Variants in N4BP2L2 observed in about 807,000 individuals in gnomAD.
N4BP2L2 encodes NEDD4 binding protein 2 like 2.
A neutral mutation model predicts 56.2 loss-of-function variants in N4BP2L2; 50 were observed. That is an observed-to-expected ratio of 0.89 (90% CI 0.71 to 1.13). The LOEUF is 1.13. Among genes scored for constraint, N4BP2L2 ranks in the 50% most tolerant of loss-of-function variants. The pLI, the probability that N4BP2L2 is intolerant of heterozygous loss-of-function variation, is 0.00. For synonymous variants in N4BP2L2, 203 were observed against 223.6 expected (o/e 0.91, Z 0.82); for missense variants, 689 against 693.8 (o/e 0.99, Z 0.08).
At position 32,499,276 on chromosome 13, in the gene N4BP2L2, C is replaced by T. The variant is rs185012395; in HGVS notation, c.365+18581G>A. On this transcript the variant is annotated intron_variant, in intron 6 of 9. Coordinates refer to the N4BP2L2 transcript ENST00000357505. ...CACAGCTACGCATTCATGCAGACAA[C>T]AGAATTTTACTACTTCTTCTCACTA... Among the ~76,000 whole-genome samples the T allele has an allele frequency of 4.9e-3, 752 of 152,240 alleles. 3 individuals carry two copies. Among genetic ancestry groups the T allele is most frequent in the Middle Eastern group, 6.8e-3 (2 of 294 alleles).
rs1441660121 is a variant in N4BP2L2 at position 32,465,300 on chromosome 13, G to A, written c.366-21174C>T. 2.6e-5 allele frequency among the ~76,000 whole-genome samples: 4 copies of A among 152,086 alleles called. No homozygotes were observed. In the South Asian group the frequency reaches 6.2e-4, roughly 24 times the overall value. The stretch of plus-strand genomic sequence containing the variant: ...AAAAATTCTTCTTCACAGTTGGTGG[G>A]GGTATAAAAAAGCACAATCACTGTG... On this transcript the variant is annotated intron_variant, in intron 6 of 9. Transcript: ENST00000357505.
At chr13:32,468,902 AACCTTGTAGCCCAGGGAATGCAGCT>A (rs1236912251) in intron 6 of N4BP2L2, among the ~76,000 whole-genome samples, 1 of 152,256 alleles carries the variant, frequency 6.6e-6, no homozygotes, top group African/African-American at 2.4e-5. Context: ...AGGGAGAGCC[AACCTTGTAGCCCAGGGAATGCAGCT>A]GTGTGTGGGA....
rs540952824 is a variant in N4BP2L2 at position 32,479,703 on chromosome 13, C to T, written c.366-35577G>A. ...AAAAAACCTTGTCAACAAACAAGGT[C>T]GTGAGTTAAGGACAGCTAATGGAAG... On this transcript the variant is annotated intron_variant, in intron 6 of 9. Coordinates refer to the N4BP2L2 transcript ENST00000357505. 9.3e-5 allele frequency among the ~76,000 whole-genome samples: 14 copies of T among 150,118 alleles called. No individual in the cohort carries two copies. The East Asian group carries it at 2.1e-3, about 23-fold the overall frequency.
intron 6 of N4BP2L2, among the ~76,000 whole-genome samples, chr13:32,467,392 G>T (rs1008665229): frequency 1.3e-5 from 2 of 151,814 alleles, no homozygotes; most frequent in Non-Finnish European, 2.9e-5. Context: ...TGAATAAGTG[G>T]GACTACAGGC....
chr13:32,517,501 T>TA, exon 6 of N4BP2L2: 2 of 1,095,898 alleles, frequency 1.8e-6, no homozygotes, highest in Non-Finnish European at 2.2e-6. Flanking sequence ...ATAAAATAGA[T>TA]AAATTAGTTT....
chr13:32,441,465 CCT>C lies in N4BP2L2; in HGVS notation c.2104+921_2104+922del, dbSNP rs1284419805. On this transcript the variant is annotated intron_variant, in intron 7 of 9. Transcript: ENST00000357505. Reference sequence around the variant, plus strand: ...TTGGGAGGCTGAGGCGGGTAGATCACCTGAGGTCAGGAGTTGGAGACCAACCT... The same window carrying C: ...TTGGGAGGCTGAGGCGGGTAGATCACGAGGTCAGGAGTTGGAGACCAACCT... Among the ~76,000 whole-genome samples, 4 of 150,532 alleles carry C rather than the reference CCT, an allele frequency of 2.7e-5. No homozygotes were observed. The East Asian group carries it at 6.0e-4, about 23-fold the overall frequency.
intron 1 of N4BP2L2, among the ~76,000 whole-genome samples, chr13:32,537,778 T>C (rs1379158963): frequency 6.6e-6 from 1 of 152,090 alleles, no homozygotes; most frequent in East Asian, 1.9e-4. Flanking sequence ...AAGATAAAAT[T>C]TGCTTCCCTT....
intron 6 of N4BP2L2, among the ~76,000 whole-genome samples, chr13:32,471,191 T>C (rs1351370550): frequency 1.3e-5 from 2 of 152,242 alleles, no homozygotes; most frequent in Non-Finnish European, 2.9e-5. Context: ...GCCAAACCTG[T>C]GTATCAGGCC....
At chr13:32,498,238 G>A (rs2089210269) in intron 6 of N4BP2L2, among the ~76,000 whole-genome samples, 1 of 152,186 alleles carries the variant, frequency 6.6e-6, no homozygotes, top group African/African-American at 2.4e-5. Context: ...CTCCCAAAGT[G>A]TTGGGATTAC....
intron 6 of N4BP2L2, among the ~76,000 whole-genome samples, chr13:32,487,647 G>C (rs561739214): frequency 6.6e-6 from 1 of 151,944 alleles, no homozygotes; most frequent in Non-Finnish European, 1.5e-5. Flanking sequence ...ACTCCAGCCT[G>C]GGCAACAGAA....
At chr13:32,526,275 A>G (rs1409796309) in intron 3 of N4BP2L2, among the ~76,000 whole-genome samples, 1 of 152,220 alleles carries the variant, frequency 6.6e-6, no homozygotes, top group Non-Finnish European at 1.5e-5. Context: ...ATGCATTTTG[A>G]GGACTTCGTT....
chr13:32,538,551 G>A (rs2057216849), intron 1 of N4BP2L2, 67 bp downstream of exon 1: 1 of 879,368 alleles, frequency 1.1e-6, no homozygotes, highest in Non-Finnish European at 1.4e-6. Flanking sequence ...AAACAGTCCA[G>A]TCAAGAAGTG....
exon 6 of N4BP2L2, chr13:32,517,097 A>G: frequency 1.0e-6 from 1 of 981,868 alleles, no homozygotes; most frequent in Non-Finnish European, 1.2e-6. Context: ...GAAGTAAAAC[A>G]TTATTAGAAT....
At chr13:32,474,623 G>A (rs552108222) in intron 6 of N4BP2L2, among the ~76,000 whole-genome samples, 1 of 152,124 alleles carries the variant, frequency 6.6e-6, no homozygotes, top group Admixed American at 6.5e-5. Context: ...GAGCCTGGGG[G>A]GACAGAGGTT....
Position 32,465,174 on chromosome 13 carries a change from C to T in N4BP2L2, c.366-21048G>A, listed in dbSNP as rs140101086. 2.8e-3 allele frequency among the ~76,000 whole-genome samples: 421 copies of T among 152,068 alleles called. 2 individuals carry two copies. The highest frequency in any genetic ancestry group is 9.5e-3 in the African/African-American group (395 of 41,486). On this transcript the variant is annotated intron_variant, in intron 6 of 9. Transcript: ENST00000357505. Reference sequence around the variant, plus strand: ...TAGAGACGGGGTTTCACCATGTTGGCCAAGCTGGTCTCAAACTCCTGACCT... The same window carrying T: ...TAGAGACGGGGTTTCACCATGTTGGTCAAGCTGGTCTCAAACTCCTGACCT...
Position 32,537,887 on chromosome 13 carries a change from G to A in N4BP2L2, c.-1+731C>T, listed in dbSNP as rs550696536. ...AGTTCGAGACCAGCCTGGCAACATG[G>A]CCTAACTCCGTCTCTTAACAAAAAT... On this transcript the variant is annotated intron_variant, in intron 1 of 5. Transcript: ENST00000267068. Among the ~76,000 whole-genome samples the A allele has an allele frequency of 1.4e-4, 22 of 152,108 alleles. No individual in the cohort carries two copies. In the South Asian group the frequency reaches 4.4e-3, roughly 30 times the overall value.
At position 32,445,569 on chromosome 13, in the gene N4BP2L2, T is replaced by C. The variant is rs1352893805; in HGVS notation, c.366-1443A>G. On this transcript the variant is annotated intron_variant, in intron 6 of 9. Coordinates refer to the N4BP2L2 transcript ENST00000357505. Reference sequence around the variant, plus strand: ...TGAGTCCGGTATTTGAGTGGCATGCTGCTAATTGCCCAGATTGTAGTGGTT... The same window carrying C: ...TGAGTCCGGTATTTGAGTGGCATGCCGCTAATTGCCCAGATTGTAGTGGTT... 2.0e-5 allele frequency among the ~76,000 whole-genome samples: 3 copies of C among 152,248 alleles called. No homozygotes were observed. In the East Asian group the frequency reaches 5.8e-4, roughly 29 times the overall value.
At chr13:32,454,510 T>C (rs2078628729) in intron 6 of N4BP2L2, among the ~76,000 whole-genome samples, 3 of 152,006 alleles carry the variant, frequency 2.0e-5, no homozygotes, top group Non-Finnish European at 4.4e-5. Context: ...TACAAAGAAG[T>C]AACTGTGGCC....
intron 6 of N4BP2L2, among the ~76,000 whole-genome samples, chr13:32,457,355 G>C (rs1190547985): frequency 6.6e-6 from 1 of 152,088 alleles, no homozygotes; most frequent in South Asian, 2.1e-4. Flanking sequence ...TCTAGCAAGA[G>C]ATTTAGACAT....
Sources: gnomAD v4.1 joint callset for allele counts (sites outside exome capture counted in the v4.1 genomes callset) on GRCh38, gnomAD v4.1.1 for gene constraint, MANE v1.5 for transcripts, NCBI Gene and HGNC (gene_info 2026-07-23, HGNC 2026-07-21) for gene names.